The following DNAJC11 variants were observed in gnomAD, a reference collection of about 807,000 sequenced individuals.
DNAJC11 encodes DnaJ heat shock protein family (Hsp40) member C11, also known as dnaJ homolog subfamily C member 11.
In DNAJC11, 15 loss-of-function variants were observed where a neutral mutation model predicts 78.6. The observed-to-expected ratio is 0.19, with a 90% CI of 0.13 to 0.29. The LOEUF (loss-of-function observed/expected upper bound fraction) is 0.29, where lower values mean the gene tolerates loss of function less well. Among genes scored for constraint, DNAJC11 ranks in the 10% least tolerant of loss-of-function variants. The pLI is 1.00. For missense variants in DNAJC11, 547 were observed against 709.6 expected, an observed-to-expected ratio of 0.77 and a Z score of 2.60; for synonymous variants, 292 against 272.1, an observed-to-expected ratio of 1.07 and a Z score of -0.72.
intron 4 of DNAJC11, chr1:6,654,309 A>C (rs557689847): frequency 3.2e-6 from 1 of 310,378 alleles, no homozygotes; most frequent in Non-Finnish European, 6.2e-6. Flanking sequence ...TGACACGCCA[A>C]AGACAAAAGT....
At chr1:6,671,696 TA>T (rs199718086) in intron 3 of DNAJC11, among the ~76,000 whole-genome samples, 3,729 of 145,734 alleles carry the variant, frequency 0.026, 76 homozygotes, top group East Asian at 0.072. Context: ...CACGCCCGGC[TA>T]ATTTTTTTGT....
chr1:6,678,672 T>C (rs1456204652), intron 2 of DNAJC11, among the ~76,000 whole-genome samples: 2 of 152,144 alleles, frequency 1.3e-5, no homozygotes, highest in Non-Finnish European at 2.9e-5. Flanking sequence ...ACTTATTGAC[T>C]GACAGGGTCC....
At chr1:6,638,227 G>T in intron 12 of DNAJC11, 68 bp downstream of exon 12, 1 of 1,506,746 alleles carries the variant, frequency 6.6e-7, no homozygotes. Context: ...AAGGCCCTGA[G>T]ACCAACATGT....
chr1:6,681,023 C>A lies in DNAJC11; in HGVS notation c.87G>T (p.Glu29Asp), dbSNP rs747651776. ...LNVRREASSEELKAAYRRLCM... is the reference protein window; with the variant it reads ...LNVRREASSEDLKAAYRRLCM... ...AGAGCCTCCGGTAGGCAGCTTTCAGCTCTTCAGAAGAGGCCTAAAGAAAGA... is the reference window on the plus strand; with the variant it reads ...AGAGCCTCCGGTAGGCAGCTTTCAGATCTTCAGAAGAGGCCTAAAGAAAGA... Residue 29 changes from glutamate (E) to aspartate (D), a missense_variant, in exon 2 of 16, where the codon GAG becomes GAT. By Grantham distance (45) the Glu-to-Asp change is conservative (BLOSUM62 2). Coordinates refer to ENST00000377577, the MANE Select transcript of DNAJC11 (RefSeq NM_018198.4). The A allele has an allele frequency of 9.3e-6, 15 of 1,612,782 alleles. No individual in the cohort carries two copies. Among genetic ancestry groups the A allele is most frequent in the Non-Finnish European group, 1.3e-5 (15 of 1,179,300 alleles).
intron 3 of DNAJC11, chr1:6,670,876 T>C (rs1642369621): frequency 6.6e-6 from 1 of 152,208 alleles, no homozygotes; most frequent in Non-Finnish European, 1.5e-5. Flanking sequence ...TTTTCAAAGT[T>C]TCCATTATCT....
chr1:6,700,086 C>T (rs747461469), intron 1 of DNAJC11, among the ~76,000 whole-genome samples: 1 of 152,194 alleles, frequency 6.6e-6, no homozygotes, highest in Non-Finnish European at 1.5e-5. Context: ...TTTACTCCTG[C>T]CCCACCCTAA....
In DNAJC11 at chr1:6,634,349, TA is replaced by T; in HGVS notation, c.*1325del. ...CGTGGGGCCGTCAGAGAAACCTTTTTAAAAAATGGAGATGAATGTTACAGAA... is the reference window on the plus strand; with the variant it reads ...CGTGGGGCCGTCAGAGAAACCTTTTTAAAAATGGAGATGAATGTTACAGAA... On this transcript the variant is annotated 3_prime_UTR_variant, in exon 16 of 16. Transcript: ENST00000377577. 1 of 1,117,848 alleles carries T rather than the reference TA, an allele frequency of 8.9e-7. No homozygotes were observed. The highest frequency in any genetic ancestry group is 1.2e-6 in the Non-Finnish European group (1 of 829,858). 69.2% of individuals were successfully genotyped at this position (1,117,848 alleles called of 1,614,324 possible). A position where few individuals can be genotyped will look rare whatever the true frequency, so the allele number is the denominator to read the frequency against.
chr1:6,667,724 C>G lies in DNAJC11; in HGVS notation c.363G>C (p.Gln121His), dbSNP rs776400980. The G allele has an allele frequency of 1.2e-6, 2 of 1,614,158 alleles. No homozygotes were observed. The highest frequency in any genetic ancestry group is 4.5e-5 in the East Asian group (2 of 44,866). Residue 121 changes from glutamine (Q) to histidine (H), a missense_variant, in exon 4 of 16, where the codon CAG (glutamine) becomes CAC (histidine). Physicochemically the swap from Gln to His is conservative, Grantham distance 24. Coordinates refer to ENST00000377577, the MANE Select transcript of DNAJC11 (RefSeq NM_018198.4). The part of the protein sequence containing the change: ...QREREERRLQ[Q>H]RTNPKGTISV... ...CCTGGCTTACCTTGGGATTGGTTCGCTGCTGCAATCTCCTCTCTTCTCTCT... is the reference window on the plus strand; with the variant it reads ...CCTGGCTTACCTTGGGATTGGTTCGGTGCTGCAATCTCCTCTCTTCTCTCT...
intron 15 of DNAJC11, 26 bp downstream of exon 15, chr1:6,636,091 G>T (rs753807290): frequency 6.9e-6 from 11 of 1,604,900 alleles, no homozygotes; most frequent in Non-Finnish European, 9.4e-6. Flanking sequence ...CCGTTAGCTG[G>T]TGACTGCGAA....
rs757322106 is a variant in DNAJC11, at chr1:6,639,937, C to T, written c.1218G>A (p.Leu406=). ...GAGCCCTGAGGTATGGTTTGATGATCAGACGGTGCATGGCAAAGTAGACCA... is the reference window on the plus strand; with the variant it reads ...GAGCCCTGAGGTATGGTTTGATGATTAGACGGTGCATGGCAAAGTAGACCA... ...PLVVYFAMHR[L]IIKPYLRAQK... Residue 406 remains leucine, a synonymous_variant, in exon 11 of 16, where the codon CTG becomes CTA. Coordinates refer to ENST00000377577, the MANE Select transcript of DNAJC11 (RefSeq NM_018198.4). 8 of 1,613,938 alleles carry T rather than the reference C, an allele frequency of 5.0e-6. No individual in the cohort carries two copies. Among genetic ancestry groups the T allele is most frequent in the Admixed American group, 1.7e-5 (1 of 59,978 alleles).
At chr1:6,649,164 T>C (rs979971823) in intron 7 of DNAJC11, among the ~76,000 whole-genome samples, 2 of 151,562 alleles carry the variant, frequency 1.3e-5, no homozygotes, top group African/African-American at 4.8e-5. Context: ...CCTTTTCCTC[T>C]TCTTGTGTCT....
intron 2 of DNAJC11, among the ~76,000 whole-genome samples, chr1:6,678,889 T>G (rs1344767441): frequency 6.6e-6 from 1 of 152,196 alleles, no homozygotes; most frequent in Non-Finnish European, 1.5e-5. Flanking sequence ...CCTTAAATGA[T>G]TCTCTTGCCT....
chr1:6,667,853 A>C, intron 3 of DNAJC11, 43 bp from the exon 4 acceptor site: 1 of 1,577,342 alleles, frequency 6.3e-7, no homozygotes, highest in Non-Finnish European at 8.7e-7. Context: ...AGGACCCAGG[A>C]GGTAAGGGAA....
At position 6,653,936 on chromosome 1, in the gene DNAJC11, T is replaced by G. The variant is rs1408417693; in HGVS notation, c.482A>C (p.Lys161Thr). The G allele has an allele frequency of 6.2e-7, 1 of 1,612,992 alleles. No individual in the cohort carries two copies. The highest frequency in any genetic ancestry group is 1.3e-5 in the African/African-American group (1 of 74,870). ...CTCAATGGACTGGGATATGTGCATT[T>G]TATTAATTTCAATCTGCGGAAAGCT... is the stretch of plus-strand genomic sequence containing the variant. The part of the protein sequence containing the change: ...GSSFPQIEIN[K>T]MHISQSIEAP... The change falls in exon 5 of 16, where the codon AAA becomes ACA. Residue 161 changes from lysine (K) to threonine (T), a missense_variant. Coordinates refer to ENST00000377577, the MANE Select transcript of DNAJC11 (RefSeq NM_018198.4). This position sits in a 1 kb window ranked among gnomAD's most constrained non-coding sequence, Gnocchi z 4.5.
intron 2 of DNAJC11, among the ~76,000 whole-genome samples, chr1:6,679,290 T>G (rs933047209): frequency 1.7e-4 from 26 of 152,242 alleles, no homozygotes; most frequent in Non-Finnish European, 2.9e-4. Context: ...ATTTCTTTTG[T>G]GCACTTCTCC....
intron 1 of DNAJC11, among the ~76,000 whole-genome samples, chr1:6,684,684 C>T (rs572057021): frequency 2.5e-4 from 38 of 152,118 alleles, no homozygotes; most frequent in Admixed American, 1.2e-3. Flanking sequence ...GTCACTGGTT[C>T]GATATTTCAT....
In DNAJC11 at chr1:6,645,722, C is replaced by T; in HGVS notation, c.894+67G>A. 1 of 1,564,016 alleles carries T rather than the reference C, an allele frequency of 6.4e-7. No homozygotes were observed. The highest frequency in any genetic ancestry group is 8.8e-7 in the Non-Finnish European group (1 of 1,142,744). On this transcript the variant is annotated intron_variant, in intron 8 of 15. Coordinates refer to ENST00000377577, the MANE Select transcript of DNAJC11 (RefSeq NM_018198.4). This position sits in a 1 kb window ranked among gnomAD's most constrained non-coding sequence, Gnocchi z 4.1. ...CAGGACGCAGGATTTAAGGGGAGCA[C>T]TGAGTGCTTGGGAGGAGGGGTCCTC... is the stretch of plus-strand genomic sequence containing the variant.
intron 3 of DNAJC11, among the ~76,000 whole-genome samples, chr1:6,675,618 T>G (rs894147811): frequency 3.3e-5 from 5 of 152,140 alleles, no homozygotes; most frequent in Admixed American, 1.3e-4. Flanking sequence ...AGATGCGATC[T>G]CACTGTGTTG....
At chr1:6,695,327 C>G (rs1272885162) in intron 1 of DNAJC11, among the ~76,000 whole-genome samples, 1 of 151,708 alleles carries the variant, frequency 6.6e-6, no homozygotes, top group Non-Finnish European at 1.5e-5. Flanking sequence ...GTAAGCAAAA[C>G]TTCAAACTTA....
Sources: allele counts gnomAD v4.1 joint callset (sites outside exome capture counted in the v4.1 genomes callset), GRCh38; gene constraint gnomAD v4.1.1; non-coding constraint Gnocchi (gnomAD v3.1); transcripts MANE v1.5; gene names NCBI Gene and HGNC (gene_info 2026-07-23, HGNC 2026-07-21).